Variants in REC114 observed in about 807,000 individuals in gnomAD.
REC114 encodes the protein meiotic recombination protein REC114.
Under a neutral mutation model 31.3 loss-of-function variants are expected in REC114, and 27 were observed. That is an observed-to-expected ratio of 0.86 (90% CI 0.64 to 1.19). REC114 has a LOEUF of 1.19. REC114 is among the 50% of genes most tolerant of loss of function. The probability of loss-of-function intolerance (pLI) is 0.00; values close to 1 mark genes in which losing one functional copy is unlikely to be tolerated. For synonymous variants in REC114, 134 were observed against 127.7 expected, an observed-to-expected ratio of 1.05 and a Z score of -0.33; for missense variants, 344 against 326.9, an observed-to-expected ratio of 1.05 and a Z score of -0.40.
intron 2 of REC114, chr15:73,484,017 G>A (rs563240502): frequency 6.6e-6 from 1 of 152,234 alleles, no homozygotes; most frequent in Non-Finnish European, 1.5e-5. Context: ...TGTAGGGACT[G>A]GGTTACACAG....
At chr15:73,477,426 AT>A (rs755529937) in intron 2 of REC114, among the ~76,000 whole-genome samples, 1 of 151,768 alleles carries the variant, frequency 6.6e-6, no homozygotes, top group African/African-American at 2.4e-5. Context: ...TTGCAAAGTC[AT>A]TTTTTTTGAG....
rs1461755427 is a variant in REC114 at position 73,498,507 on chromosome 15, C to A, written c.249+24586C>A. On this transcript the variant is annotated intron_variant, in intron 2 of 5. Transcript: ENST00000331090. Reference sequence around the variant, plus strand: ...GACCTGCCTGAGCACCATGAGGTGGCAAATTCTAATAAGATTTCCTGACTT... The same window carrying A: ...GACCTGCCTGAGCACCATGAGGTGGAAAATTCTAATAAGATTTCCTGACTT... Among the ~76,000 whole-genome samples the A allele has an allele frequency of 3.3e-5, 5 of 152,214 alleles. No individual in the cohort carries two copies. The East Asian group carries it at 9.6e-4, about 29-fold the overall frequency.
At chr15:73,508,443 T>A (rs1338436979) in intron 2 of REC114, among the ~76,000 whole-genome samples, 10 of 151,372 alleles carry the variant, frequency 6.6e-5, no homozygotes, top group Admixed American at 4.6e-4. Context: ...TTTTCTTTTT[T>A]AATTTTTTTT....
intron 2 of REC114, among the ~76,000 whole-genome samples, chr15:73,530,424 G>A (rs1894061631): frequency 6.6e-6 from 1 of 152,102 alleles, no homozygotes; most frequent in Non-Finnish European, 1.5e-5. Context: ...CACTTTGGGA[G>A]GCCCAGGCTG....
At chr15:73,523,846 T>G (rs1893970861) in intron 2 of REC114, among the ~76,000 whole-genome samples, 1 of 152,188 alleles carries the variant, frequency 6.6e-6, no homozygotes, top group South Asian at 2.1e-4. Context: ...CTATGATTTA[T>G]TTTTAGTTAA....
At chr15:73,534,146 A>C (rs1894123466) in intron 2 of REC114, among the ~76,000 whole-genome samples, 1 of 150,612 alleles carries the variant, frequency 6.6e-6, no homozygotes, top group Non-Finnish European at 1.5e-5. Context: ...GCAAGAGCAA[A>C]CACATTCAAA....
intron 1 of REC114, among the ~76,000 whole-genome samples, chr15:73,449,282 C>A (rs888072982): frequency 4.6e-5 from 7 of 152,138 alleles, no homozygotes; most frequent in African/African-American, 1.4e-4. Context: ...ACTAGAATAA[C>A]CTGTTTAGAA....
intron 1 of REC114, among the ~76,000 whole-genome samples, chr15:73,452,683 C>T (rs1200345176): frequency 6.6e-6 from 1 of 152,172 alleles, no homozygotes; most frequent in East Asian, 1.9e-4. Flanking sequence ...CAAGACAATC[C>T]TAAGCAAAAA....
chr15:73,524,588 G>A (rs1893980489), intron 2 of REC114, among the ~76,000 whole-genome samples: 2 of 152,050 alleles, frequency 1.3e-5, no homozygotes, highest in Admixed American at 1.3e-4. Context: ...CAAGAACGGA[G>A]GTTTCTTTTT....
chr15:73,535,418 A>T (rs530622359), intron 2 of REC114, among the ~76,000 whole-genome samples: 190 of 150,904 alleles, frequency 1.3e-3, no homozygotes, highest in African/African-American at 4.4e-3. Flanking sequence ...AGTGAACTCC[A>T]TTCACAATTG....
intron 2 of REC114, among the ~76,000 whole-genome samples, chr15:73,474,212 T>C (rs1220531642): frequency 6.6e-6 from 1 of 152,172 alleles, no homozygotes; most frequent in Non-Finnish European, 1.5e-5. Flanking sequence ...ATAGGCTTGT[T>C]AACAAAGACA....
At chr15:73,505,676 C>T (rs529996282) in intron 2 of REC114, among the ~76,000 whole-genome samples, 36 of 152,244 alleles carry the variant, frequency 2.4e-4, no homozygotes, top group Middle Eastern at 3.4e-3. Context: ...GGACTACAGG[C>T]GCCCGCCACC....
At chr15:73,478,118 G>T (rs993490519) in intron 2 of REC114, among the ~76,000 whole-genome samples, 1 of 151,954 alleles carries the variant, frequency 6.6e-6, no homozygotes, top group East Asian at 1.9e-4. Flanking sequence ...ATAAAAACTA[G>T]CCTGGTGTGG....
chr15:73,481,829 G>A (rs199755970), intron 2 of REC114, among the ~76,000 whole-genome samples: 1 of 151,366 alleles, frequency 6.6e-6, no homozygotes, highest in East Asian at 1.9e-4. Context: ...AGGGGCTAAT[G>A]TTTGTATTTT....
intron 1 of REC114, among the ~76,000 whole-genome samples, chr15:73,461,171 T>C (rs979524818): frequency 6.6e-6 from 1 of 152,172 alleles, no homozygotes; most frequent in African/African-American, 2.4e-5. Flanking sequence ...AGTTAAAACT[T>C]TGTATTTCTG....
chr15:73,465,648 A>ATT (rs558030142), intron 1 of REC114, among the ~76,000 whole-genome samples: 2 of 152,126 alleles, frequency 1.3e-5, no homozygotes, highest in African/African-American at 4.8e-5. Context: ...TAGAATGAAT[A>ATT]TTTTTTTAAC....
intron 2 of REC114, among the ~76,000 whole-genome samples, chr15:73,519,310 G>T (rs921742399): frequency 6.6e-6 from 1 of 152,120 alleles, no homozygotes; most frequent in East Asian, 1.9e-4. Flanking sequence ...GTAAGGACAC[G>T]ATGAGAAAAT....
intron 2 of REC114, among the ~76,000 whole-genome samples, chr15:73,514,714 G>A (rs565301518): frequency 6.6e-6 from 1 of 151,814 alleles, no homozygotes; most frequent in Non-Finnish European, 1.5e-5. Context: ...TGAAAAAAAC[G>A]CTTGTGCTAA....
At chr15:73,526,528 T>C (rs1406454155) in intron 2 of REC114, among the ~76,000 whole-genome samples, 2 of 152,190 alleles carry the variant, frequency 1.3e-5, no homozygotes, top group Non-Finnish European at 2.9e-5. Flanking sequence ...CTCTAACTTA[T>C]CACAGTCTGT....
Sources: gnomAD v4.1 joint callset for allele counts (sites outside exome capture counted in the v4.1 genomes callset) on GRCh38, gnomAD v4.1.1 for gene constraint, MANE v1.5 for transcripts, NCBI Gene and HGNC (gene_info 2026-07-23, HGNC 2026-07-21) for gene names.